Variants in KNDC1 observed in about 807,000 individuals in gnomAD.
KNDC1 encodes the protein kinase non-catalytic C-lobe domain containing 1.
In KNDC1, 106 loss-of-function variants were observed where a neutral mutation model predicts 172.8. That is an observed-to-expected ratio of 0.61 (90% CI 0.52 to 0.72). The LOEUF (loss-of-function observed/expected upper bound fraction) is 0.72. Ranked by LOEUF, KNDC1 falls within the 30% of genes least tolerant of loss-of-function variation. The pLI, the probability that KNDC1 is intolerant of heterozygous loss-of-function variation, is 0.00. For missense variants in KNDC1, 2,325 were observed against 2,394.5 expected (o/e 0.97, Z 0.61); for synonymous variants, 1,083 against 1,062.2 (o/e 1.02, Z -0.38).
rs767513552 is a variant in KNDC1 at position 133,186,483 on chromosome 10, G to T, written c.1135G>T (p.Ala379Ser). ...PEHQLGRVPC[A>S]GRSTDRGPGV... ...ACACCAGCTGGGACGGGTTCCCTGT[G>T]CAGGCCGCAGCACGGACAGGGGCCC... Residue 379 changes from alanine to serine, a missense_variant, in exon 6 of 30, where the codon GCA (alanine) becomes TCA (serine). Physicochemically the swap from Ala to Ser is moderately conservative, Grantham distance 99 (BLOSUM62 1). Coordinates refer to ENST00000304613, the MANE Select transcript of KNDC1 (RefSeq NM_152643.8). The T allele has an allele frequency of 1.2e-6, 2 of 1,612,300 alleles. No individual in the cohort carries two copies. Among genetic ancestry groups the T allele is most frequent in the Non-Finnish European group, 1.7e-6 (2 of 1,179,696 alleles).
chr10:133,188,581 T>G lies in KNDC1; in HGVS notation c.1369T>G (p.Phe457Val), dbSNP rs1436449560. The G allele has an allele frequency of 6.3e-7, 1 of 1,592,172 alleles. No individual in the cohort carries two copies. The highest frequency in any genetic ancestry group is 8.5e-7 in the Non-Finnish European group (1 of 1,170,586). ...QDLLSQLGRPFREYELWALCL... is the reference protein window; with the variant it reads ...QDLLSQLGRPVREYELWALCL... ...CCTCCTGTCCCAGCTGGGCCGGCCC[T>G]TCCGGGAGTACGAGCTGTGGGCCCT... Residue 457 changes from phenylalanine to valine, a missense_variant, in exon 7 of 30, where the codon TTC becomes GTC. By Grantham distance (50) the Phe-to-Val change is conservative (BLOSUM62 -1). Transcript: ENST00000304613.
At chr10:133,197,005 G>A in intron 10 of KNDC1, 53 bp from the exon 11 acceptor site, 1 of 1,429,274 alleles carries the variant, frequency 7.0e-7, no homozygotes, top group Non-Finnish European at 9.9e-7. Flanking sequence ...CACGGGGACG[G>A]TGCAGCCGTG....
Position 133,183,360 on chromosome 10 carries a change from T to TGGGGGCCAC in KNDC1, c.379_387dup (p.Gly127_Thr129dup). The TGGGGGCCAC allele has an allele frequency of 6.3e-7, 1 of 1,596,932 alleles. No individual in the cohort carries two copies. The highest frequency in any genetic ancestry group is 8.5e-7 in the Non-Finnish European group (1 of 1,173,414). On this transcript the variant is annotated inframe_insertion, in exon 4 of 30. Coordinates refer to ENST00000304613, the MANE Select transcript of KNDC1 (RefSeq NM_152643.8). ...TGCCCACAGGCGCACATCTACTCTC[T>TGGGGGCCAC]GGGGGCCACGCTGAAGGCCGCCCTC...
intron 3 of KNDC1, among the ~76,000 whole-genome samples, chr10:133,170,970 A>G (rs1761458468): frequency 6.6e-6 from 1 of 152,256 alleles, no homozygotes; most frequent in South Asian, 2.1e-4. Context: ...ACTCAGAGAA[A>G]AGCTGGCCGA....
At chr10:133,198,204 C>T in intron 12 of KNDC1, 133 bp from the exon 13 acceptor site, 1 of 1,072,664 alleles carries the variant, frequency 9.3e-7, no homozygotes, top group Non-Finnish European at 1.3e-6. Context: ...ACAGAGGAAG[C>T]CCCCAGGGCC....
chr10:133,211,772 C>G lies in KNDC1; in HGVS notation c.4150C>G (p.Leu1384Val). 6.2e-7 allele frequency: 1 copy of G among 1,610,962 alleles called. No individual in the cohort carries two copies. Among genetic ancestry groups the G allele is most frequent in the Non-Finnish European group, 8.5e-7 (1 of 1,179,404 alleles). ...CGAGGGCAACCCTCGCGGCACAGACCTGGAGAACCCCAGGGAGGCCGAGGA... is the reference window on the plus strand; with the variant it reads ...CGAGGGCAACCCTCGCGGCACAGACGTGGAGAACCCCAGGGAGGCCGAGGA... Reference protein sequence around the residue: ...RAEGNPRGTDLENPREAEEDA... With the variant: ...RAEGNPRGTDVENPREAEEDA... Residue 1384 changes from leucine to valine, a missense_variant, in exon 23 of 30, where the codon CTG becomes GTG. By Grantham distance (32) the Leu-to-Val change is conservative (BLOSUM62 1). Coordinates refer to ENST00000304613, the MANE Select transcript of KNDC1 (RefSeq NM_152643.8).
intron 29 of KNDC1, among the ~76,000 whole-genome samples, chr10:133,222,100 G>A (rs1392345286): frequency 4.7e-5 from 7 of 150,112 alleles, no homozygotes; most frequent in African/African-American, 7.3e-5. Context: ...TGGCCAACAT[G>A]GTGAAACCCC....
chr10:133,202,428 C>T (rs577877111), intron 17 of KNDC1: 11 of 410,088 alleles, frequency 2.7e-5, no homozygotes, highest in South Asian at 7.1e-5. Context: ...GGTCTTAGAC[C>T]GGGGAGTCCT....
intron 24 of KNDC1, 21 bp downstream of exon 24, chr10:133,212,943 C>T (rs371997137): frequency 1.4e-5 from 22 of 1,594,912 alleles, no homozygotes; most frequent in East Asian, 4.5e-5. Flanking sequence ...CGAGGATCTG[C>T]GCCCAGGTCA....
chr10:133,187,856 C>T (rs1214600973), intron 6 of KNDC1, among the ~76,000 whole-genome samples: 2 of 152,128 alleles, frequency 1.3e-5, no homozygotes, highest in Non-Finnish European at 2.9e-5. Context: ...ACAGCTGTCC[C>T]CATCAGCCCA....
At chr10:133,191,475 C>T (rs912867583) in intron 9 of KNDC1, among the ~76,000 whole-genome samples, 13 of 151,966 alleles carry the variant, frequency 8.6e-5, no homozygotes, top group Admixed American at 5.2e-4. Flanking sequence ...CAAGGCAGGT[C>T]GATCACCTGA....
At chr10:133,212,268 C>T (rs553140908) in intron 23 of KNDC1, among the ~76,000 whole-genome samples, 1 of 151,936 alleles carries the variant, frequency 6.6e-6, no homozygotes, top group African/African-American at 2.4e-5. Flanking sequence ...CACACGTGCA[C>T]CCGCACACGC....
Position 133,207,327 on chromosome 10 carries a change from G to A in KNDC1, c.3770G>A (p.Gly1257Glu), listed in dbSNP as rs1321426057. ...ATCCTGCAGGCCGGCACGCCGCTGGGGCTCATGGCCTACCTGTACTCCAGG... is the reference window on the plus strand; with the variant it reads ...ATCCTGCAGGCCGGCACGCCGCTGGAGCTCATGGCCTACCTGTACTCCAGG... The part of the protein sequence containing the change: ...ARILQAGTPL[G>E]LMAYLYSSDA... The change falls in exon 20 of 30, where the codon GGG becomes GAG. Residue 1257 changes from glycine to glutamate, a missense_variant. Physicochemically the swap from Gly to Glu is moderately conservative, Grantham distance 98. Coordinates refer to ENST00000304613, the MANE Select transcript of KNDC1 (RefSeq NM_152643.8). 2.5e-6 allele frequency: 4 copies of A among 1,612,734 alleles called. No homozygotes were observed. Among genetic ancestry groups the A allele is most frequent in the Non-Finnish European group, 3.4e-6 (4 of 1,179,874 alleles).
intron 9 of KNDC1, among the ~76,000 whole-genome samples, chr10:133,193,701 A>G (rs1358088692): frequency 1.3e-5 from 2 of 152,246 alleles, no homozygotes; most frequent in African/African-American, 4.8e-5. Flanking sequence ...ATAAAACAAT[A>G]TAAGTAGGTT....
chr10:133,212,995 C>T, intron 24 of KNDC1, 73 bp downstream of exon 24: 1 of 1,306,266 alleles, frequency 7.7e-7, no homozygotes, highest in Non-Finnish European at 1.1e-6. Context: ...GCCCATAGGG[C>T]CCTCAGCGGC....
intron 9 of KNDC1, among the ~76,000 whole-genome samples, chr10:133,194,687 C>G (rs1178584564): frequency 1.3e-5 from 2 of 152,186 alleles, no homozygotes; most frequent in African/African-American, 2.4e-5. Context: ...TTCCCAGCTC[C>G]ACACTCAAGG....
rs772724070 is a variant in KNDC1, at chr10:133,198,436, C to T, written c.2006C>T (p.Ala669Val). Reference protein sequence around the residue: ...CGEEATQLPAAFTSEATHFKP... With the variant: ...CGEEATQLPAVFTSEATHFKP... ...GAAGAAGCCACCCAGCTGCCTGCAGCGTTCACCTCCGAGGCCACGCACTTC... is the reference window on the plus strand; with the variant it reads ...GAAGAAGCCACCCAGCTGCCTGCAGTGTTCACCTCCGAGGCCACGCACTTC... The change falls in exon 13 of 30, where the codon GCG (alanine) becomes GTG (valine). Residue 669 changes from alanine (A) to valine (V), a missense_variant. Coordinates refer to ENST00000304613, the MANE Select transcript of KNDC1 (RefSeq NM_152643.8). 25 of 1,602,348 alleles carry T rather than the reference C, an allele frequency of 1.6e-5. 1 individual carries two copies. The South Asian group carries it at 1.9e-4, about 12-fold the overall frequency.
chr10:133,190,979 G>A lies in KNDC1; in HGVS notation c.1575+1166G>A, dbSNP rs1011462542. 3.3e-5 allele frequency among the ~76,000 whole-genome samples: 5 copies of A among 152,236 alleles called. No individual in the cohort carries two copies. The East Asian group carries it at 9.6e-4, about 29-fold the overall frequency. On this transcript the variant is annotated intron_variant, in intron 9 of 29. Transcript: ENST00000304613. ...GAACGAAAATCGCTGGGAAAGTGCT[G>A]AGGCACAAGCACAGAGTCAGAAAAC...
At chr10:133,196,415 G>A (rs577626267) in intron 10 of KNDC1, among the ~76,000 whole-genome samples, 90 of 152,244 alleles carry the variant, frequency 5.9e-4, no homozygotes, top group African/African-American at 2.1e-3. Flanking sequence ...AGGACCTCCT[G>A]GGGAGGAGCC....
Sources: allele counts gnomAD v4.1 joint callset (sites outside exome capture counted in the v4.1 genomes callset), GRCh38; gene constraint gnomAD v4.1.1; transcripts MANE v1.5; gene names NCBI Gene and HGNC (gene_info 2026-07-23, HGNC 2026-07-21).